The following INTS4 variants were observed in gnomAD, a reference collection of about 807,000 sequenced individuals.
INTS4 encodes the protein integrator complex subunit 4.
Under a neutral mutation model 119.5 loss-of-function variants are expected in INTS4, and 70 were observed. The observed-to-expected ratio is 0.59, with a 90% CI of 0.48 to 0.71. INTS4 has a LOEUF of 0.71. Among genes scored for constraint, INTS4 ranks in the 30% least tolerant of loss-of-function variants. The pLI is 0.00. For missense variants in INTS4, 867 were observed against 1,173.2 expected (o/e 0.74, Z 3.81); for synonymous variants, 316 against 419.6 (o/e 0.75, Z 3.02).
At position 77,883,907 on chromosome 11, in the gene INTS4, C is replaced by T; in HGVS notation, c.2638G>A (p.Ala880Thr). Residue 880 changes from alanine to threonine, a missense_variant, in exon 22 of 23, where the codon GCA becomes ACA. This residue lies in a region of INTS4 where 122 missense variants were observed against 133.2 expected (regional missense o/e 0.92). Transcript: ENST00000534064. The stretch of plus-strand genomic sequence containing the variant: ...CCTGGGCCAGGATTCCGGAAGTCTG[C>T]AGGCTTGGGGTGAATCATCTGAGCC... ...GQAQMIHPKP[A>T]DFRNPGPGRH... The T allele has an allele frequency of 1.2e-6, 2 of 1,613,120 alleles. No individual in the cohort carries two copies. The highest frequency in any genetic ancestry group is 1.7e-6 in the Non-Finnish European group (2 of 1,179,516).
intron 16 of INTS4, 134 bp downstream of exon 16, chr11:77,907,583 G>C (rs866063387): frequency 1.6e-6 from 1 of 620,798 alleles, no homozygotes; most frequent in Middle Eastern, 2.7e-4. Context: ...TCACACTGCA[G>C]AGTACATATT....
chr11:77,977,093 GAATAA>G (rs900644875), intron 4 of INTS4, among the ~76,000 whole-genome samples: 130 of 151,574 alleles, frequency 8.6e-4, no homozygotes, highest in African/African-American at 2.7e-3. Flanking sequence ...GAAATAAAAA[GAATAA>G]AATAAAATAA....
intron 11 of INTS4, 77 bp from the exon 12 acceptor site, chr11:77,924,969 C>T (rs548989741): frequency 1.8e-6 from 2 of 1,142,446 alleles, no homozygotes; most frequent in East Asian, 2.5e-5. Flanking sequence ...TCCCCTTCTA[C>T]CCAGCCACCT....
intron 15 of INTS4, among the ~76,000 whole-genome samples, chr11:77,914,541 G>A (rs1270032631): frequency 2.6e-5 from 4 of 152,140 alleles, no homozygotes; most frequent in Admixed American, 1.3e-4. Flanking sequence ...TGGAATCTCC[G>A]CTTACAGAGC....
intron 2 of INTS4, among the ~76,000 whole-genome samples, chr11:77,989,789 C>T (rs1473376902): frequency 6.6e-6 from 1 of 151,888 alleles, no homozygotes; most frequent in Non-Finnish European, 1.5e-5. Flanking sequence ...GTCCCAGCTA[C>T]TCAGAAGGCT....
intron 15 of INTS4, among the ~76,000 whole-genome samples, chr11:77,915,623 C>T (rs1953188009): frequency 6.6e-6 from 1 of 152,112 alleles, no homozygotes; most frequent in South Asian, 2.1e-4. Flanking sequence ...TCTCTCAGTT[C>T]CTCACTCCCA....
At chr11:77,921,631 A>G (rs1487057471) in intron 13 of INTS4, among the ~76,000 whole-genome samples, 158 bp from the exon 14 acceptor site, 1 of 152,112 alleles carries the variant, frequency 6.6e-6, no homozygotes, top group Non-Finnish European at 1.5e-5. Context: ...CCCCTACTCC[A>G]CCCACACCCC....
chr11:77,920,956 T>C (rs1343483557), intron 14 of INTS4, among the ~76,000 whole-genome samples: 4 of 151,758 alleles, frequency 2.6e-5, no homozygotes, highest in African/African-American at 4.8e-5. Context: ...TCTTCTTGCC[T>C]AATATCAATA....
intron 16 of INTS4, among the ~76,000 whole-genome samples, chr11:77,903,909 T>G (rs1287244260): frequency 6.6e-6 from 1 of 152,158 alleles, no homozygotes; most frequent in Non-Finnish European, 1.5e-5. Context: ...TTCACCAGAA[T>G]GCGCAGGCAA....
At chr11:77,960,444 C>A in intron 5 of INTS4, 53 bp from the exon 6 acceptor site, 1 of 1,272,866 alleles carries the variant, frequency 7.9e-7, no homozygotes, top group Non-Finnish European at 1.1e-6. Flanking sequence ...GCAATATTTC[C>A]AATGTCTCCC....
intron 10 of INTS4, among the ~76,000 whole-genome samples, chr11:77,933,302 CG>C (rs1953702890): frequency 1.3e-5 from 2 of 152,016 alleles, no homozygotes. Flanking sequence ...GCCACCATCT[CG>C]GCTCACTGCA....
chr11:77,913,591 A>G (rs183949868), intron 15 of INTS4, among the ~76,000 whole-genome samples: 38 of 152,328 alleles, frequency 2.5e-4, no homozygotes, highest in African/African-American at 6.7e-4. Context: ...GATTACAGGC[A>G]TGAGCCACTG....
chr11:77,960,805 T>C (rs1954450847), intron 5 of INTS4, 148 bp downstream of exon 5: 3 of 643,328 alleles, frequency 4.7e-6, no homozygotes, highest in South Asian at 5.9e-5. Flanking sequence ...TACAGGAATG[T>C]GTGTCACTGA....
intron 12 of INTS4, chr11:77,922,715 T>C (rs1953393192): frequency 2.2e-5 from 11 of 501,412 alleles, no homozygotes; most frequent in Non-Finnish European, 3.9e-5. Flanking sequence ...TTCCCCCATC[T>C]TTCTTCCTGA....
In INTS4 at chr11:77,891,449, G is replaced by A. The variant is rs1952261036; in HGVS notation, c.2462C>T (p.Ser821Leu). ...LPLPEQIHKA[S>L]ATIIEPAGES... ...GCCCGCTGGCTCGATGATGGTGGCT[G>A]AGGCTTTGTGGATCTGTAAGCAAGA... Residue 821 changes from serine to leucine, a missense_variant, in exon 21 of 23, where the codon TCA becomes TTA. Coordinates refer to ENST00000534064, the MANE Select transcript of INTS4 (RefSeq NM_033547.4). The A allele has an allele frequency of 2.5e-6, 4 of 1,613,818 alleles. No homozygotes were observed. Among genetic ancestry groups the A allele is most frequent in the Non-Finnish European group, 2.5e-6 (3 of 1,179,810 alleles).
At chr11:77,918,072 G>A in intron 15 of INTS4, 2 of 621,386 alleles carry the variant, frequency 3.2e-6, no homozygotes, top group Non-Finnish European at 5.6e-6. Context: ...ATGGAATACA[G>A]GGGGCACAGT....
intron 22 of INTS4, among the ~76,000 whole-genome samples, chr11:77,880,454 C>T (rs930055274): frequency 6.6e-6 from 1 of 152,202 alleles, no homozygotes; most frequent in Admixed American, 6.5e-5. Flanking sequence ...TAAGCACACA[C>T]TCACATGACA....
chr11:77,920,364 A>C (rs1953328578), intron 14 of INTS4, among the ~76,000 whole-genome samples: 2 of 150,654 alleles, frequency 1.3e-5, no homozygotes, highest in Admixed American at 1.3e-4. Flanking sequence ...GAGTCACCCA[A>C]GCAGGGATGA....
At chr11:77,908,047 T>C (rs1470383163) in intron 15 of INTS4, among the ~76,000 whole-genome samples, 1 of 950 alleles carries the variant, frequency 1.1e-3, no homozygotes, top group East Asian at 0.031. Context: ...GGCACATATA[T>C]GGTAAAATGT....
Sources: gnomAD v4.1 joint callset for allele counts (sites outside exome capture counted in the v4.1 genomes callset) on GRCh38, gnomAD v4.1.1 for gene constraint, gnomAD v4.1.1 regional missense constraint, MANE v1.5 for transcripts, NCBI Gene and HGNC (gene_info 2026-07-23, HGNC 2026-07-21) for gene names.